The following PTGDR variants were observed in gnomAD, a reference collection of about 807,000 sequenced individuals.
PTGDR encodes the protein PGD2 receptor.
PTGDR carries 19 observed loss-of-function variants against 17.4 expected under a neutral mutation model. That is an observed-to-expected ratio of 1.09 (90% CI 0.76 to 1.60). The LOEUF is 1.60. Ranked by LOEUF, PTGDR falls within the 40% of genes most tolerant of loss-of-function variation. PTGDR has a pLI of 0.00. For missense variants in PTGDR, 526 were observed against 481.9 expected, an observed-to-expected ratio of 1.09 and a Z score of -0.86; for synonymous variants, 267 against 224.2, an observed-to-expected ratio of 1.19 and a Z score of -1.71.
At chr14:52,269,841 G>A (rs1476014365) in intron 1 of PTGDR, among the ~76,000 whole-genome samples, 5 of 152,122 alleles carry the variant, frequency 3.3e-5, no homozygotes, top group Admixed American at 6.5e-5. Flanking sequence ...AGATATAGGC[G>A]CAGATGACAT....
intron 1 of PTGDR, among the ~76,000 whole-genome samples, chr14:52,272,898 C>T (rs965616908): frequency 1.3e-5 from 2 of 152,228 alleles, no homozygotes; most frequent in Non-Finnish European, 2.9e-5. Context: ...CAGACCCTCT[C>T]TCTCGTAACG....
rs1034034177 is a variant in PTGDR, at chr14:52,268,299, C to T, written c.485C>T (p.Ala162Val). The T allele has an allele frequency of 1.2e-6, 2 of 1,613,832 alleles. No individual in the cohort carries two copies. Among genetic ancestry groups the T allele is most frequent in the East Asian group, 2.2e-5 (1 of 44,892 alleles). ...CCGGTGGTGAGCGCCTTCTCCCTGG[C>T]TTTCTGCGCGCTACCTTTCATGGGC... ...VAPVVSAFSLAFCALPFMGFG... is the reference protein window; with the variant it reads ...VAPVVSAFSLVFCALPFMGFG... Residue 162 changes from alanine (A) to valine (V), a missense_variant, in exon 1 of 2, where the codon GCT (alanine) becomes GTT (valine). By Grantham distance (64) the Ala-to-Val change is moderately conservative. Coordinates refer to ENST00000306051, the MANE Select transcript of PTGDR (RefSeq NM_000953.3).
chr14:52,268,532 A>C lies in PTGDR; in HGVS notation c.718A>C (p.Thr240Pro). ...GCTGCAGCGGCACCCGCGCTCCTGC[A>C]CCAGGGACTGTGCCGAGCCGCGCGC... Reference protein sequence around the residue: ...RRLQRHPRSCTRDCAEPRADG... With the variant: ...RRLQRHPRSCPRDCAEPRADG... Residue 240 changes from threonine to proline, a missense_variant, in exon 1 of 2, where the codon ACC becomes CCC. By Grantham distance (38) the Thr-to-Pro change is conservative. Transcript: ENST00000306051. 1.2e-6 allele frequency: 2 copies of C among 1,612,388 alleles called. No homozygotes were observed. Among genetic ancestry groups the C allele is most frequent in the South Asian group, 2.2e-5 (2 of 91,002 alleles).
In PTGDR at chr14:52,267,942, G is replaced by T. The variant is rs2033233608; in HGVS notation, c.128G>T (p.Arg43Leu). Reference sequence around the variant, plus strand: ...CTGCTGGCCCTGGGGCTGCTGGCGCGCTCGGGGCTGGGGTGGTGCTCGCGG... The same window carrying T: ...CTGCTGGCCCTGGGGCTGCTGGCGCTCTCGGGGCTGGGGTGGTGCTCGCGG... ...GNLLALGLLA[R>L]SGLGWCSRRP... Residue 43 changes from arginine (R) to leucine (L), a missense_variant, in exon 1 of 2, where the codon CGC becomes CTC. Physicochemically the swap from Arg to Leu is moderately radical, Grantham distance 102. Coordinates refer to ENST00000306051, the MANE Select transcript of PTGDR (RefSeq NM_000953.3). 2 of 1,609,650 alleles carry T rather than the reference G, an allele frequency of 1.2e-6. No individual in the cohort carries two copies. The highest frequency in any genetic ancestry group is 1.7e-6 in the Non-Finnish European group (2 of 1,179,116).
chr14:52,271,280 TA>T (rs199579992), intron 1 of PTGDR, among the ~76,000 whole-genome samples: 5 of 151,726 alleles, frequency 3.3e-5, no homozygotes, highest in South Asian at 2.1e-4. Context: ...CTGCTGGACA[TA>T]AAAAAAAATC....
Position 52,268,112 on chromosome 14 carries a change from T to A in PTGDR, c.298T>A (p.Leu100Met), listed in dbSNP as rs150631257. ...NRSLRVLAPA[L>M]DNSLCQAFAF... ...GAGTCTGCGGGTGCTTGCGCCCGCATTGGACAACTCGTTGTGCCAAGCCTT... is the reference window on the plus strand; with the variant it reads ...GAGTCTGCGGGTGCTTGCGCCCGCAATGGACAACTCGTTGTGCCAAGCCTT... The change falls in exon 1 of 2, where the codon TTG becomes ATG. Residue 100 changes from leucine to methionine, a missense_variant. Physicochemically the swap from Leu to Met is conservative, Grantham distance 15. Coordinates refer to ENST00000306051, the MANE Select transcript of PTGDR (RefSeq NM_000953.3). 5.0e-6 allele frequency: 8 copies of A among 1,614,114 alleles called. No homozygotes were observed. Among genetic ancestry groups the A allele is most frequent in the Non-Finnish European group, 6.8e-6 (8 of 1,180,044 alleles).
chr14:52,267,854 G>A lies in PTGDR; in HGVS notation c.40G>A (p.Val14Met), dbSNP rs774679168. ...PFYRCQNTTS[V>M]EKGNSAVMGG... Reference sequence around the variant, plus strand: ...CTACCGCTGCCAGAACACCACCTCTGTGGAAAAAGGCAACTCGGCGGTGAT... The same window carrying A: ...CTACCGCTGCCAGAACACCACCTCTATGGAAAAAGGCAACTCGGCGGTGAT... Residue 14 changes from valine to methionine, a missense_variant, in exon 1 of 2, where the codon GTG becomes ATG. Val to Met is a conservative substitution (Grantham distance 21). Transcript: ENST00000306051. The A allele has an allele frequency of 3.8e-6, 6 of 1,594,914 alleles. No homozygotes were observed. In the African/African-American group the frequency reaches 5.4e-5, roughly 14 times the overall value.
intron 1 of PTGDR, chr14:52,269,352 T>C (rs1188740921): frequency 1.9e-5 from 19 of 990,464 alleles, no homozygotes; most frequent in Middle Eastern, 2.1e-4. Context: ...GGGTTTTGAG[T>C]GTATCTTGGC....
downstream of PTGDR, among the ~76,000 whole-genome samples, chr14:52,278,972 CT>C (rs149741511): frequency 4.2e-3 from 638 of 152,168 alleles, 6 homozygotes; most frequent in African/African-American, 0.011. Context: ...CATAATTTGA[CT>C]TTTTTGTATA....
downstream of PTGDR, among the ~76,000 whole-genome samples, chr14:52,280,363 G>A (rs960953018): frequency 6.6e-6 from 1 of 152,166 alleles, no homozygotes; most frequent in African/African-American, 2.4e-5. Context: ...ATGATTGTGT[G>A]AAAGTAAAAT....
chr14:52,268,324 C>T lies in PTGDR; in HGVS notation c.510C>T (p.Gly170=), dbSNP rs753210764. Residue 170 remains glycine, a synonymous_variant, in exon 1 of 2, where the codon GGC becomes GGT. Coordinates refer to ENST00000306051, the MANE Select transcript of PTGDR (RefSeq NM_000953.3). The part of the protein sequence containing the change: ...SLAFCALPFM[G]FGKFVQYCPG... ...CTTTCTGCGCGCTACCTTTCATGGG[C>T]TTCGGGAAGTTCGTGCAGTACTGCC... 3 of 1,613,858 alleles carry T rather than the reference C, an allele frequency of 1.9e-6. No homozygotes were observed. The highest frequency in any genetic ancestry group is 1.1e-5 in the South Asian group (1 of 91,092).
intron 1 of PTGDR, among the ~76,000 whole-genome samples, chr14:52,272,984 A>C (rs894061617): frequency 1.3e-5 from 2 of 152,072 alleles, no homozygotes; most frequent in African/African-American, 4.8e-5. Flanking sequence ...TGGTTTTCTA[A>C]GGTAAAAATG....
chr14:52,268,801 C>G, intron 1 of PTGDR, 141 bp downstream of exon 1: 1 of 909,930 alleles, frequency 1.1e-6, no homozygotes, highest in Non-Finnish European at 1.7e-6. Flanking sequence ...GCTGAGTTCC[C>G]CAAATTGGAT....
Position 52,268,477 on chromosome 14 carries a change from C to T in PTGDR, c.663C>T (p.Ala221=). Residue 221 remains alanine (A), a synonymous_variant, in exon 1 of 2, where the codon GCC becomes GCT. Transcript: ENST00000306051. ...VLATVLCNLG[A]MRNLYAMHRR... is the part of the protein sequence containing the mutation. Reference sequence around the variant, plus strand: ...CCACCGTGCTGTGCAACCTCGGCGCCATGCGCAACCTCTATGCGATGCACC... The same window carrying T: ...CCACCGTGCTGTGCAACCTCGGCGCTATGCGCAACCTCTATGCGATGCACC... 1 of 1,610,450 alleles carries T rather than the reference C, an allele frequency of 6.2e-7. No homozygotes were observed. The highest frequency in any genetic ancestry group is 8.5e-7 in the Non-Finnish European group (1 of 1,180,004).
rs199882008 is a variant in PTGDR, at chr14:52,274,887, T to G, written c.1003T>G (p.Phe335Val). ...CAGATCTCCAGTATTTCGGATATTTTTTCACAAGATTTTCATTAGACCTCT... is the reference window on the plus strand; with the variant it reads ...CAGATCTCCAGTATTTCGGATATTTGTTCACAAGATTTTCATTAGACCTCT... ...IFRSPVFRIFFHKIFIRPLRY... is the reference protein window; with the variant it reads ...IFRSPVFRIFVHKIFIRPLRY... The change falls in exon 2 of 2, where the codon TTT (phenylalanine) becomes GTT (valine). Residue 335 changes from phenylalanine (F) to valine (V), a missense_variant. By Grantham distance (50) the Phe-to-Val change is conservative. Transcript: ENST00000306051. The G allele has an allele frequency of 5.0e-6, 8 of 1,608,582 alleles. No homozygotes were observed. Among genetic ancestry groups the G allele is most frequent in the African/African-American group, 1.3e-5 (1 of 74,796 alleles).
At chr14:52,278,139 A>G (rs2033451115), downstream of PTGDR, among the ~76,000 whole-genome samples, 1 of 152,238 alleles carries the variant, frequency 6.6e-6, no homozygotes, top group South Asian at 2.1e-4. Flanking sequence ...AGGATTATAA[A>G]TCATGCTGCT....
In PTGDR at chr14:52,274,967, G is replaced by C; in HGVS notation, c.*3G>C. 1 of 1,538,964 alleles carries C rather than the reference G, an allele frequency of 6.5e-7. No homozygotes were observed. Among genetic ancestry groups the C allele is most frequent in the Non-Finnish European group, 9.0e-7 (1 of 1,115,714 alleles). ...CTAACATGGAATCCAGTCTGTGACA[G>C]TGTTTTTCACTCTGTGGTAAGCTGA... On this transcript the variant is annotated 3_prime_UTR_variant, in exon 2 of 2. Coordinates refer to ENST00000306051, the MANE Select transcript of PTGDR (RefSeq NM_000953.3).
downstream of PTGDR, among the ~76,000 whole-genome samples, chr14:52,278,182 G>A (rs1442185191): frequency 6.6e-6 from 1 of 152,150 alleles, no homozygotes; most frequent in Non-Finnish European, 1.5e-5. Context: ...GTTTATAGTG[G>A]CACTATTCAC....
In PTGDR at chr14:52,267,755, C is replaced by T. The variant is rs1423095409; in HGVS notation, c.-60C>T. On this transcript the variant is annotated 5_prime_UTR_variant, in exon 1 of 2. Coordinates refer to ENST00000306051, the MANE Select transcript of PTGDR (RefSeq NM_000953.3). The stretch of plus-strand genomic sequence containing the variant: ...GAGCTGCCGGGGGCTCCTTAGCACC[C>T]GGGCGCCGGGGCCCTCGCCCTTCCG... The T allele has an allele frequency of 2.7e-6, 4 of 1,488,652 alleles. No homozygotes were observed. The Middle Eastern group carries it at 6.8e-4, about 254-fold the overall frequency. 92.2% of individuals were successfully genotyped at this position (1,488,652 alleles called of 1,614,324 possible). A position where few individuals can be genotyped will look rare whatever the true frequency, so the allele number is the denominator to read the frequency against.
Sources: allele counts gnomAD v4.1 joint callset (sites outside exome capture counted in the v4.1 genomes callset), GRCh38; gene constraint gnomAD v4.1.1; transcripts MANE v1.5; gene names NCBI Gene and HGNC (gene_info 2026-07-23, HGNC 2026-07-21).